PTGER3: variants seen among roughly 807,000 people sequenced by gnomAD.
PTGER3 encodes prostaglandin E receptor 3, also known as prostaglandin E2 receptor EP3 subtype.
A neutral mutation model predicts 34.7 loss-of-function variants in PTGER3; 22 were observed. That is an observed-to-expected ratio of 0.63 (90% CI 0.45 to 0.91). The LOEUF (loss-of-function observed/expected upper bound fraction) is 0.91. Among genes scored for constraint, PTGER3 ranks in the 40% least tolerant of loss-of-function variants. The pLI is 0.00. For missense variants in PTGER3, 468 were observed against 519.4 expected, an observed-to-expected ratio of 0.90 and a Z score of 0.96; for synonymous variants, 241 against 230.1, an observed-to-expected ratio of 1.05 and a Z score of -0.43.
intron 2 of PTGER3, among the ~76,000 whole-genome samples, chr1:70,978,431 C>G (rs1030806653): frequency 4.6e-5 from 7 of 151,954 alleles, no homozygotes; most frequent in Non-Finnish European, 1.0e-4. Flanking sequence ...CTTAATTGGT[C>G]AAATTAATAA....
intron 2 of PTGER3, chr1:71,008,691 A>C (rs1033763529): frequency 1.0e-6 from 1 of 982,262 alleles, no homozygotes; most frequent in Admixed American, 6.2e-5. Flanking sequence ...ACAGTTGCAC[A>C]ATTCTGCACA....
chr1:71,032,111 T>A (rs1232166208), intron 1 of PTGER3, among the ~76,000 whole-genome samples: 1 of 152,192 alleles, frequency 6.6e-6, no homozygotes, highest in African/African-American at 2.4e-5. Context: ...CAGAATAACA[T>A]AAAACCCAGA....
chr1:70,882,369 G>A (rs1646408488), intron 4 of PTGER3, among the ~76,000 whole-genome samples: 1 of 152,176 alleles, frequency 6.6e-6, no homozygotes, highest in African/African-American at 2.4e-5. Flanking sequence ...GGTGGGGATG[G>A]GTGAGATCAC....
intron 3 of PTGER3, among the ~76,000 whole-genome samples, chr1:70,971,960 A>G (rs531992174): frequency 4.6e-5 from 7 of 152,354 alleles, no homozygotes; most frequent in Non-Finnish European, 1.0e-4. Context: ...CAATTAGTAT[A>G]TAACTCTAGT....
chr1:70,869,831 G>A (rs1354153016), intron 4 of PTGER3, among the ~76,000 whole-genome samples: 4 of 152,276 alleles, frequency 2.6e-5, no homozygotes, highest in African/African-American at 9.6e-5. Context: ...TTCGGTCCCT[G>A]TGGTTGCTGT....
intron 4 of PTGER3, among the ~76,000 whole-genome samples, chr1:70,886,726 A>G (rs995078524): frequency 6.6e-6 from 1 of 152,220 alleles, no homozygotes; most frequent in African/African-American, 2.4e-5. Context: ...TCATGAGGAC[A>G]GGAATTTTTG....
At position 70,920,031 on chromosome 1, in the gene PTGER3, T is replaced by G. The variant is rs892671718; in HGVS notation, c.*23+33732A>C. 5.3e-4 allele frequency among the ~76,000 whole-genome samples: 80 copies of G among 152,162 alleles called. 5 individuals are homozygous for G. The highest frequency in any genetic ancestry group is 5.9e-5 in the Non-Finnish European group (4 of 68,024). ...CCTGGCTCACAGTCATTTTCTTGTC[T>G]TTTGCAAATACTCTGTTGATTCTGA... On this transcript the variant is annotated intron_variant, in intron 4 of 4. Transcript: ENST00000370931.
intron 2 of PTGER3, 133 bp from the exon 3 acceptor site, chr1:70,974,521 C>CATCT (rs1653492234): frequency 3.4e-6 from 2 of 585,236 alleles, no homozygotes; most frequent in African/African-American, 3.8e-5. Flanking sequence ...TTCCTAGGAC[C>CATCT]ATCTCATTTC....
At chr1:70,894,175 G>C (rs1052250397) in intron 4 of PTGER3, among the ~76,000 whole-genome samples, 2 of 151,862 alleles carry the variant, frequency 1.3e-5, no homozygotes, top group Non-Finnish European at 2.9e-5. Context: ...CGGGCGTGGT[G>C]GTGGGCACCT....
chr1:70,960,909 T>C (rs1651865164), intron 2 of PTGER3, among the ~76,000 whole-genome samples: 1 of 152,136 alleles, frequency 6.6e-6, no homozygotes, highest in African/African-American at 2.4e-5. Context: ...ATTTGACAAA[T>C]GTAGATCTGA....
At chr1:70,890,109 C>T (rs974739075) in intron 4 of PTGER3, among the ~76,000 whole-genome samples, 2 of 152,178 alleles carry the variant, frequency 1.3e-5, no homozygotes, top group Admixed American at 1.3e-4. Flanking sequence ...TATACACAGA[C>T]CACTAGACAA....
chr1:70,999,130 A>G (rs1414831453), intron 2 of PTGER3, among the ~76,000 whole-genome samples: 3 of 152,164 alleles, frequency 2.0e-5, no homozygotes, highest in African/African-American at 7.2e-5. Context: ...AGAACTGTTG[A>G]CTATTGTCAC....
intron 2 of PTGER3, among the ~76,000 whole-genome samples, chr1:70,956,487 G>A (rs1249641142): frequency 2.6e-5 from 4 of 151,844 alleles, no homozygotes; most frequent in Non-Finnish European, 5.9e-5. Flanking sequence ...CAAATACAGT[G>A]ATGAAATGAA....
At chr1:71,031,438 G>A (rs1273865540) in intron 1 of PTGER3, among the ~76,000 whole-genome samples, 1 of 152,080 alleles carries the variant, frequency 6.6e-6, no homozygotes, top group African/African-American at 2.4e-5. Context: ...TTCTGGGTGG[G>A]AGAGAAATCC....
intron 2 of PTGER3, among the ~76,000 whole-genome samples, chr1:70,992,945 C>T (rs1655605588): frequency 6.6e-6 from 1 of 152,092 alleles, no homozygotes; most frequent in South Asian, 2.1e-4. Flanking sequence ...AACAACATTG[C>T]CCTGGGTAGA....
rs915684295 is a variant in PTGER3 at position 70,926,003 on chromosome 1, A to C, written c.*23+27760T>G. Among the ~76,000 whole-genome samples, 60 of 152,334 alleles carry C rather than the reference A, an allele frequency of 3.9e-4. 1 individual carries two copies. Among genetic ancestry groups the C allele is most frequent in the African/African-American group, 1.4e-3 (59 of 41,586 alleles). On this transcript the variant is annotated intron_variant, in intron 4 of 4. Transcript: ENST00000370931. The stretch of plus-strand genomic sequence containing the variant: ...GGGGCTACACAGAGACTACCAAATT[A>C]GGCAAAGGATGTCACTGATACTTTT...
chr1:70,955,711 T>G (rs2100603926), intron 2 of PTGER3, among the ~76,000 whole-genome samples: 1 of 152,292 alleles, frequency 6.6e-6, no homozygotes, highest in South Asian at 2.1e-4. Flanking sequence ...TTTATAACAC[T>G]TCTGATAATA....
At chr1:70,971,897 A>T (rs563445395) in intron 3 of PTGER3, among the ~76,000 whole-genome samples, 164 bp from the exon 4 acceptor site, 2 of 152,216 alleles carry the variant, frequency 1.3e-5, no homozygotes, top group Non-Finnish European at 2.9e-5. Context: ...GATTTAAAAA[A>T]GCAATTGTAG....
At chr1:70,937,411 G>T (rs1649327327) in intron 4 of PTGER3, among the ~76,000 whole-genome samples, 1 of 152,184 alleles carries the variant, frequency 6.6e-6, no homozygotes, top group African/African-American at 2.4e-5. Flanking sequence ...GCCAGCTGTT[G>T]GATGTGCAGG....
Sources: allele counts gnomAD v4.1 joint callset (sites outside exome capture counted in the v4.1 genomes callset), GRCh38; gene constraint gnomAD v4.1.1; transcripts MANE v1.5; gene names NCBI Gene and HGNC (gene_info 2026-07-23, HGNC 2026-07-21).